The following ULK4 variants were observed in gnomAD, a reference collection of about 807,000 sequenced individuals.
ULK4 encodes the protein unc-51 like kinase 4.
ULK4 carries 133 observed loss-of-function variants against 160.6 expected under a neutral mutation model. That is an observed-to-expected ratio of 0.83 (90% CI 0.72 to 0.96). ULK4 has a LOEUF of 0.96. ULK4 is among the 40% of genes least tolerant of loss of function. The pLI is 0.00. For missense variants in ULK4, 1,580 were observed against 1,499.5 expected (o/e 1.05, Z -0.89); for synonymous variants, 534 against 539.8 (o/e 0.99, Z 0.15).
intron 35 of ULK4, among the ~76,000 whole-genome samples, chr3:41,362,642 G>A (rs1055570016): frequency 6.6e-6 from 1 of 152,112 alleles, no homozygotes; most frequent in African/African-American, 2.4e-5. Context: ...CTCTCATTAG[G>A]TTGTTCTAAT....
chr3:41,656,531 GTTGA>G (rs1444451358), intron 30 of ULK4, among the ~76,000 whole-genome samples: 1 of 152,062 alleles, frequency 6.6e-6, no homozygotes, highest in Non-Finnish European at 1.5e-5. Flanking sequence ...CTTTCTTATC[GTTGA>G]TTTTTGTCAT....
chr3:41,888,577 C>T (rs534695414), intron 16 of ULK4, among the ~76,000 whole-genome samples: 1 of 152,332 alleles, frequency 6.6e-6, no homozygotes, highest in Admixed American at 6.5e-5. Flanking sequence ...TGTCCTTGTA[C>T]AAGGAACAGT....
chr3:41,945,637 TAC>T (rs2148835079), intron 2 of ULK4, among the ~76,000 whole-genome samples: 1 of 152,320 alleles, frequency 6.6e-6, no homozygotes, highest in Admixed American at 6.5e-5. Context: ...CATATAAAGA[TAC>T]ACAGCATTTC....
intron 16 of ULK4, among the ~76,000 whole-genome samples, chr3:41,885,658 G>C (rs73083326): frequency 6.6e-6 from 1 of 151,870 alleles, no homozygotes; most frequent in Non-Finnish European, 1.5e-5. Flanking sequence ...TATGACAGAT[G>C]CAAGTAAGGA....
intron 19 of ULK4, among the ~76,000 whole-genome samples, chr3:41,817,139 G>T (rs916885242): frequency 6.6e-6 from 1 of 151,986 alleles, no homozygotes; most frequent in African/African-American, 2.4e-5. Flanking sequence ...CCTACACAGT[G>T]GTCCAAATGA....
intron 17 of ULK4, among the ~76,000 whole-genome samples, chr3:41,853,351 TC>T (rs1287889495): frequency 6.6e-6 from 1 of 152,120 alleles, no homozygotes; most frequent in Non-Finnish European, 1.5e-5. Flanking sequence ...TAGAGACACT[TC>T]CATCCACCCC....
chr3:41,283,745 G>A (rs1223434251), intron 35 of ULK4, among the ~76,000 whole-genome samples: 2 of 151,440 alleles, frequency 1.3e-5, no homozygotes, highest in Non-Finnish European at 2.9e-5. Context: ...TATACCTATG[G>A]AACAAACCTG....
chr3:41,847,114 G>T (rs956371844), intron 17 of ULK4, among the ~76,000 whole-genome samples: 3 of 152,090 alleles, frequency 2.0e-5, no homozygotes, highest in African/African-American at 7.2e-5. Context: ...TTTATAACAA[G>T]TATGACTGGG....
chr3:41,873,551 T>G (rs1184585266), intron 17 of ULK4, among the ~76,000 whole-genome samples: 2 of 152,102 alleles, frequency 1.3e-5, no homozygotes, highest in Admixed American at 1.3e-4. Context: ...TTGTTTTGTG[T>G]TTGTTTTGTT....
At chr3:41,707,838 A>G (rs2036956290) in intron 25 of ULK4, among the ~76,000 whole-genome samples, 1 of 132,226 alleles carries the variant, frequency 7.6e-6, no homozygotes, top group African/African-American at 4.1e-5. Context: ...CAAAAAAAGA[A>G]AAAAAAAAAA....
At chr3:41,323,781 C>G (rs1293856999) in intron 35 of ULK4, among the ~76,000 whole-genome samples, 1 of 151,936 alleles carries the variant, frequency 6.6e-6, no homozygotes, top group Non-Finnish European at 1.5e-5. Context: ...ATTGAGTCAA[C>G]AGAAAGTAAC....
chr3:41,918,399 G>T, intron 7 of ULK4, 58 bp downstream of exon 7: 1 of 1,178,102 alleles, frequency 8.5e-7, no homozygotes, highest in Non-Finnish European at 1.2e-6. Context: ...TTGGATAAAG[G>T]TACACCTTTA....
rs76883444 is a variant in ULK4, at chr3:41,458,433, T to C, written c.3394-2838A>G. ...TGCTCTAGTGTGTGCTAAAACCTGC[T>C]GGAGATATAAGACAGGAACTGAGCT... is the stretch of plus-strand genomic sequence containing the variant. On this transcript the variant is annotated intron_variant, in intron 33 of 36. Transcript: ENST00000301831. Among the ~76,000 whole-genome samples the C allele has an allele frequency of 4.5e-4, 69 of 152,272 alleles. 1 individual carries two copies. In the East Asian group the frequency reaches 0.012, roughly 26 times the overall value.
rs1473371965 is a variant in ULK4, at chr3:41,295,275, T to C, written c.3679-45701A>G. Among the ~76,000 whole-genome samples the C allele has an allele frequency of 3.8e-5, 3 of 79,740 alleles. 1 individual carries two copies. Among genetic ancestry groups the C allele is most frequent in the Non-Finnish European group, 9.4e-5 (3 of 31,904 alleles). 52.3% of individuals were successfully genotyped at this position (79,740 alleles called of 152,430 possible). ...AACATGAATGCAGACACAGATCTTT[T>C]ACTCTCACAAAAATCAACTCAAAAT... On this transcript the variant is annotated intron_variant, in intron 35 of 36. Coordinates refer to ENST00000301831, the MANE Select transcript of ULK4 (RefSeq NM_017886.4).
rs748594694 is a variant in ULK4 at position 41,705,282 on chromosome 3, T to C, written c.2658A>G (p.Ser886=). The change falls in exon 26 of 37, where the codon TCA becomes TCG. Residue 886 remains serine (S), a synonymous_variant. Transcript: ENST00000301831. ...TILSHIKSVD[S]GETNIDGAIG... is the part of the protein sequence containing the mutation. ...TGGCTCCATCTATGTTCGTTTCTCC[T>C]GAGTCTACAGATTTAATATGACTCT... is the stretch of plus-strand genomic sequence containing the variant. 4 of 1,613,074 alleles carry C rather than the reference T, an allele frequency of 2.5e-6. No individual in the cohort carries two copies. The South Asian group carries it at 4.4e-5, about 18-fold the overall frequency.
intron 17 of ULK4, among the ~76,000 whole-genome samples, chr3:41,868,157 T>C (rs1288863938): frequency 2.0e-5 from 3 of 152,170 alleles, no homozygotes; most frequent in African/African-American, 7.2e-5. Context: ...TCTTCCATGT[T>C]CTCACATAAT....
At chr3:41,471,439 T>C (rs2083988323) in intron 32 of ULK4, among the ~76,000 whole-genome samples, 1 of 152,068 alleles carries the variant, frequency 6.6e-6, no homozygotes, top group East Asian at 1.9e-4. Flanking sequence ...GGAAAAATCA[T>C]CCAGACAGAA....
chr3:41,416,818 AG>A (rs1323716299), intron 34 of ULK4, among the ~76,000 whole-genome samples: 2 of 152,286 alleles, frequency 1.3e-5, no homozygotes, highest in East Asian at 3.9e-4. Context: ...GGAGGGAGAA[AG>A]GGGGACCCAA....
rs6780819 is a variant in ULK4 at position 41,258,461 on chromosome 3, T to C, written c.3679-8887A>G. ...TATTCCAGCGACACTAAGAAAATAA[T>C]GCAAGAGAACGCCAGCGAAGAGTGT... On this transcript the variant is annotated intron_variant, in intron 35 of 36. Coordinates refer to ENST00000301831, the MANE Select transcript of ULK4 (RefSeq NM_017886.4). The C allele has an allele frequency of 5.1e-3, 778 of 152,278 alleles. 8 individuals are homozygous for C. The highest frequency in any genetic ancestry group is 0.018 in the African/African-American group (742 of 41,542). The allele number at this position is 152,278 out of a possible 1,614,324, so 9.4% of individuals were successfully genotyped here.
Sources: allele counts gnomAD v4.1 joint callset (sites outside exome capture counted in the v4.1 genomes callset), GRCh38; gene constraint gnomAD v4.1.1; transcripts MANE v1.5; gene names NCBI Gene and HGNC (gene_info 2026-07-23, HGNC 2026-07-21).